Variants in NLRC5 observed in about 807,000 individuals in gnomAD.
NLRC5 encodes the protein NLR family CARD domain containing 5, also known as protein NLRC5.
In NLRC5, 114 loss-of-function variants were observed where a neutral mutation model predicts 206.9. The ratio of observed to expected loss-of-function variants is 0.55; its 90% CI spans 0.47 to 0.64. The LOEUF is 0.64. Ranked by LOEUF, NLRC5 falls within the 30% of genes least tolerant of loss-of-function variation. NLRC5 has a pLI of 0.00. For synonymous variants in NLRC5, 952 were observed against 962.8 expected, an observed-to-expected ratio of 0.99 and a Z score of 0.21; for missense variants, 2,008 against 2,305.5, an observed-to-expected ratio of 0.87 and a Z score of 2.64.
At chr16:57,042,471 T>A (rs2063407238) in intron 19 of NLRC5, among the ~76,000 whole-genome samples, 1 of 152,008 alleles carries the variant, frequency 6.6e-6, no homozygotes, top group African/African-American at 2.4e-5. Flanking sequence ...GAGAGGACAC[T>A]CAAGCAGGGT....
At chr16:57,030,148 T>G in intron 10 of NLRC5, 64 bp downstream of exon 10, 7 of 1,366,596 alleles carry the variant, frequency 5.1e-6, no homozygotes, top group Non-Finnish European at 7.3e-6. Flanking sequence ...GAAAGTGGGA[T>G]GGGAAATGGA....
Position 57,047,596 on chromosome 16 carries a change from T to A in NLRC5, c.3390T>A (p.Thr1130=), listed in dbSNP as rs1487046513. Residue 1130 remains threonine, a synonymous_variant, in exon 23 of 49, where the codon ACT becomes ACA. Transcript: ENST00000688547. ...EPPSLTRLCA[T]LKDCPGPLEL... is the part of the protein sequence containing the mutation. ...CAAGCCTCACCCGCCTCTGTGCCACTCTGAAGGACTGCCCGGGACCCCTGG... is the reference window on the plus strand; with the variant it reads ...CAAGCCTCACCCGCCTCTGTGCCACACTGAAGGACTGCCCGGGACCCCTGG... 1 of 1,613,524 alleles carries A rather than the reference T, an allele frequency of 6.2e-7. No individual in the cohort carries two copies. Among genetic ancestry groups the A allele is most frequent in the Non-Finnish European group, 8.5e-7 (1 of 1,179,800 alleles).
At chr16:56,998,513 T>C (rs556145169) in intron 1 of NLRC5, among the ~76,000 whole-genome samples, 30 of 152,298 alleles carry the variant, frequency 2.0e-4, no homozygotes, top group African/African-American at 6.7e-4. Flanking sequence ...CTTATCCCCA[T>C]TTTACAGATG....
chr16:57,010,191 G>A (rs1455339760), intron 1 of NLRC5, among the ~76,000 whole-genome samples: 1 of 152,132 alleles, frequency 6.6e-6, no homozygotes, highest in Non-Finnish European at 1.5e-5. Flanking sequence ...GCATCCAGGT[G>A]GAGTTGGGAG....
At chr16:57,007,687 C>T (rs904894496) in intron 1 of NLRC5, among the ~76,000 whole-genome samples, 5 of 152,112 alleles carry the variant, frequency 3.3e-5, no homozygotes, top group Non-Finnish European at 5.9e-5. Context: ...GGAGATCGTG[C>T]CACTGTACTC....
intron 7 of NLRC5, 67 bp downstream of exon 7, chr16:57,028,222 T>C: frequency 6.3e-7 from 1 of 1,575,232 alleles, no homozygotes; most frequent in Non-Finnish European, 8.7e-7. Flanking sequence ...CTCCCTCTCC[T>C]TAATCCTACA....
chr16:56,994,222 A>G (rs1567494041), intron 1 of NLRC5, among the ~76,000 whole-genome samples: 1 of 151,964 alleles, frequency 6.6e-6, no homozygotes, highest in Non-Finnish European at 1.5e-5. Flanking sequence ...AGAAGAAAGG[A>G]AGGAGAGAAG....
Position 57,081,158 on chromosome 16 carries a change from G to A in NLRC5, c.5382G>A (p.Gln1794=), listed in dbSNP as rs970946239. 1.9e-6 allele frequency: 3 copies of A among 1,543,936 alleles called. No individual in the cohort carries two copies. The East Asian group carries it at 7.3e-5, about 38-fold the overall frequency. The change falls in exon 47 of 49, where the codon CAG becomes CAA. Residue 1794 remains glutamine, a synonymous_variant. Coordinates refer to ENST00000688547, the MANE Select transcript of NLRC5 (RefSeq NM_001384950.1). ...CCGAGCTGGCCCAGGTGCTGCCGCA[G>A]ATGGGCCGGCTGAAGAGAGTGGAGT... is the stretch of plus-strand genomic sequence containing the variant. The part of the protein sequence containing the change: ...AAAELAQVLP[Q]MGRLKRVDLE...
At chr16:57,041,846 T>A in intron 18 of NLRC5, 136 bp from the exon 19 acceptor site, 1 of 663,746 alleles carries the variant, frequency 1.5e-6, no homozygotes, top group Non-Finnish European at 2.6e-6. Context: ...CCGTGCCAGA[T>A]CTGCTGAGAT....
intron 32 of NLRC5, among the ~76,000 whole-genome samples, chr16:57,064,603 A>G (rs1315196508): frequency 6.6e-6 from 1 of 152,174 alleles, no homozygotes; most frequent in Non-Finnish European, 1.5e-5. Context: ...TTGTGATGTA[A>G]CATTATGTGA....
At position 57,030,135 on chromosome 16, in the gene NLRC5, G is replaced by A. The variant is rs74023646; in HGVS notation, c.2417+51G>A. On this transcript the variant is annotated intron_variant, in intron 10 of 48. Transcript: ENST00000688547. ...CCTTATGGGCCTTGAGAAAAGAGGA[G>A]GGGAAAGTGGGATGGGAAATGGAGG... The A allele has an allele frequency of 4.0e-4, 579 of 1,460,942 alleles. 4 individuals carry two copies. The African/African-American group carries it at 7.4e-3, about 19-fold the overall frequency. 90.5% of individuals were successfully genotyped at this position (1,460,942 alleles called of 1,614,324 possible). A position where few individuals can be genotyped will look rare whatever the true frequency, so the allele number is the denominator to read the frequency against.
At chr16:57,010,212 T>C (rs2059348758) in intron 1 of NLRC5, among the ~76,000 whole-genome samples, 2 of 152,162 alleles carry the variant, frequency 1.3e-5, no homozygotes, top group South Asian at 4.1e-4. Context: ...AATTAAATAA[T>C]GCTGAAAGGT....
rs1318171039 is a variant in NLRC5, at chr16:57,065,235, G to T, written c.4178G>T (p.Arg1393Ile). 3 of 1,578,168 alleles carry T rather than the reference G, an allele frequency of 1.9e-6. No homozygotes were observed. The highest frequency in any genetic ancestry group is 8.6e-7 in the Non-Finnish European group (1 of 1,159,178). The change falls in exon 33 of 49, where the codon AGA becomes ATA. Residue 1393 changes from arginine (R) to isoleucine (I), a missense_variant. Transcript: ENST00000688547. Reference protein sequence around the residue: ...SLRVQEPWADRARVLSLLEVC... With the variant: ...SLRVQEPWADIARVLSLLEVC... ...AGGGTGCAGGAGCCGTGGGCGGACA[G>T]AGCCAGGGTTCTCTCCCTGTTAGAA...
intron 48 of NLRC5, among the ~76,000 whole-genome samples, chr16:57,081,838 A>G (rs1226605091): frequency 1.3e-5 from 2 of 152,190 alleles, no homozygotes; most frequent in African/African-American, 2.4e-5. Flanking sequence ...CTGAACCCCA[A>G]TTTTCTCATC....
In NLRC5 at chr16:57,067,429, C is replaced by T. The variant is rs199476007; in HGVS notation, c.4365C>T (p.Val1455=). The T allele has an allele frequency of 9.9e-6, 16 of 1,614,214 alleles. No individual in the cohort carries two copies. The highest frequency in any genetic ancestry group is 1.6e-4 in the Middle Eastern group (1 of 6,062). The change falls in exon 35 of 49, where the codon GTC becomes GTT. Residue 1455 remains valine, a synonymous_variant. Coordinates refer to ENST00000688547, the MANE Select transcript of NLRC5 (RefSeq NM_001384950.1). ...CDLGAHHSLL[V]GQLMETCARL... ...TTGGAGCCCACCACAGCCTTCTTGTCGGGCAGCTGATGGAGACATGTGCCA... is the reference window on the plus strand; with the variant it reads ...TTGGAGCCCACCACAGCCTTCTTGTTGGGCAGCTGATGGAGACATGTGCCA...
intron 12 of NLRC5, 115 bp downstream of exon 12, chr16:57,033,784 A>G: frequency 9.9e-7 from 1 of 1,007,512 alleles, no homozygotes; most frequent in Non-Finnish European, 1.5e-6. Flanking sequence ...GGACAGGGAA[A>G]GGATTAGCCG....
intron 15 of NLRC5, among the ~76,000 whole-genome samples, chr16:57,038,805 T>C (rs2062919212): frequency 6.6e-6 from 1 of 151,704 alleles, no homozygotes; most frequent in Non-Finnish European, 1.5e-5. Flanking sequence ...CATGGTGGCG[T>C]GCACCTGTAA....
chr16:57,073,629 C>T (rs146102922), intron 38 of NLRC5, among the ~76,000 whole-genome samples: 4,352 of 152,260 alleles, frequency 0.029, 190 homozygotes, highest in African/African-American at 0.09. Context: ...AGTCTCTCTC[C>T]GTTGCCCAGG....
intron 1 of NLRC5, among the ~76,000 whole-genome samples, chr16:57,016,320 C>A (rs1168852996): frequency 2.6e-5 from 4 of 152,236 alleles, no homozygotes; most frequent in African/African-American, 9.6e-5. Flanking sequence ...AATTACCATA[C>A]TACATACCAC....
Sources: gnomAD v4.1 joint callset for allele counts (sites outside exome capture counted in the v4.1 genomes callset) on GRCh38, gnomAD v4.1.1 for gene constraint, MANE v1.5 for transcripts, NCBI Gene and HGNC (gene_info 2026-07-23, HGNC 2026-07-21) for gene names.